MINAR1: variants seen among roughly 807,000 people sequenced by gnomAD.
MINAR1 encodes membrane integral NOTCH2 associated receptor 1.
Under a neutral mutation model 65.1 loss-of-function variants are expected in MINAR1, and 40 were observed. That is an observed-to-expected ratio of 0.61 (90% CI 0.48 to 0.80). The LOEUF (loss-of-function observed/expected upper bound fraction) is 0.80, where lower values mean the gene tolerates loss of function less well. MINAR1 is among the 30% of genes least tolerant of loss of function. MINAR1 has a pLI of 0.00. For synonymous variants in MINAR1, 482 were observed against 449.1 expected, an observed-to-expected ratio of 1.07 and a Z score of -0.93; for missense variants, 1,128 against 1,148.0, an observed-to-expected ratio of 0.98 and a Z score of 0.25.
rs769640975 is a variant in MINAR1 at position 79,456,878 on chromosome 15, A to G, written c.731A>G (p.Asn244Ser). The G allele has an allele frequency of 3.7e-6, 6 of 1,614,150 alleles. No individual in the cohort carries two copies. The highest frequency in any genetic ancestry group is 4.5e-5 in the East Asian group (2 of 44,874). ...NQSIKETFIS[N>S]EEPFVVQSCV... ...AGCATCAAGGAGACCTTCATTTCCA[A>G]TGAGGAGCCATTTGTGGTCCAGTCC... The change falls in exon 2 of 4, where the codon AAT becomes AGT. Residue 244 changes from asparagine to serine, a missense_variant. Transcript: ENST00000305428.
chr15:79,445,574 G>A (rs1379499849), intron 1 of MINAR1, among the ~76,000 whole-genome samples: 1 of 146,170 alleles, frequency 6.8e-6, no homozygotes, highest in Admixed American at 6.8e-5. Flanking sequence ...TTGAGACGGA[G>A]TTTTGCTCTT....
chr15:79,431,514 T>TG (rs950404711), upstream of MINAR1, among the ~76,000 whole-genome samples: 238 of 117,038 alleles, frequency 2.0e-3, 4 homozygotes, highest in East Asian at 0.014. Context: ...TGTGTGTGTG[T>TG]GGGGGGGGAG....
chr15:79,461,544 C>G (rs1302256373), intron 2 of MINAR1, among the ~76,000 whole-genome samples: 1 of 152,320 alleles, frequency 6.6e-6, no homozygotes, highest in Non-Finnish European at 1.5e-5. Flanking sequence ...CTGGTGAAGT[C>G]TCTTAGAAGA....
chr15:79,417,919 G>C, the MINAR1 span: 3 of 152,226 alleles, frequency 2.0e-5, no homozygotes, highest in Non-Finnish European at 4.4e-5. Flanking sequence ...GGGCTTGGCC[G>C]TGCTGTTGAC....
chr15:79,433,784 C>T (rs546983324), intron 1 of MINAR1, among the ~76,000 whole-genome samples: 2 of 152,274 alleles, frequency 1.3e-5, no homozygotes, highest in East Asian at 1.9e-4. Context: ...TTACTGGGCC[C>T]GCCCTGCAGG....
chr15:79,430,503 G>C (rs992036219), upstream of MINAR1, among the ~76,000 whole-genome samples: 4 of 152,066 alleles, frequency 2.6e-5, no homozygotes, highest in Non-Finnish European at 4.4e-5. Context: ...GGACAATGAG[G>C]CCCCCAAACA....
At chr15:79,415,896 T>C in the MINAR1 span, 1 of 152,230 alleles carries the variant, frequency 6.6e-6, no homozygotes, top group South Asian at 2.1e-4. Flanking sequence ...GGAAAACTTA[T>C]TTGTGTGTGT....
At chr15:79,443,038 A>T (rs892499778) in intron 1 of MINAR1, among the ~76,000 whole-genome samples, 2 of 152,124 alleles carry the variant, frequency 1.3e-5, no homozygotes, top group African/African-American at 4.8e-5. Context: ...TGAACACTTG[A>T]CACCAACACT....
chr15:79,417,102 A>C, the MINAR1 span: 1 of 152,214 alleles, frequency 6.6e-6, no homozygotes, highest in African/African-American at 2.4e-5. Context: ...AGCAGGCTCC[A>C]ACACAAGCAG....
the MINAR1 span, chr15:79,414,787 C>T: frequency 0.053 from 8,011 of 152,090 alleles, 261 homozygotes; most frequent in African/African-American, 0.085. Flanking sequence ...GAGTAAGACC[C>T]GATCAAATTG....
rs987767928 is a variant in MINAR1 at position 79,468,902 on chromosome 15, C to T, written c.*518C>T. The T allele has an allele frequency of 6.2e-6, 1 of 161,374 alleles. No individual in the cohort carries two copies. Among genetic ancestry groups the T allele is most frequent in the Non-Finnish European group, 1.4e-5 (1 of 72,728 alleles). 10.0% of individuals were successfully genotyped at this position (161,374 alleles called of 1,614,324 possible). A position where few individuals can be genotyped will look rare whatever the true frequency, so the allele number is the denominator to read the frequency against. Reference sequence around the variant, plus strand: ...GTATTACTTCTCTGTCGACTTTTATCAAGGGCTACTGACGTTTCATTCTTG... The same window carrying T: ...GTATTACTTCTCTGTCGACTTTTATTAAGGGCTACTGACGTTTCATTCTTG... On this transcript the variant is annotated 3_prime_UTR_variant, in exon 4 of 4. Coordinates refer to ENST00000305428, the MANE Select transcript of MINAR1 (RefSeq NM_015206.3).
intron 1 of MINAR1, among the ~76,000 whole-genome samples, chr15:79,440,076 GGT>G (rs1327302652): frequency 1.3e-5 from 2 of 152,066 alleles, no homozygotes; most frequent in Non-Finnish European, 1.5e-5. Flanking sequence ...TTAGCCCCAA[GGT>G]GTGTCTAGTC....
rs1895478827 is a variant in MINAR1 at position 79,457,576 on chromosome 15, C to T, written c.1429C>T (p.Gln477Ter). Residue 477 changes from glutamine (Q) to a stop codon, truncating the protein, a stop_gained, in exon 2 of 4, where the codon CAG (glutamine) becomes TAG (stop). Transcript: ENST00000305428. LOFTEE classifies it high-confidence loss of function. ...CTCAGACACCAGTAGCGTGGGCACCCAGACTGAGCACGTGCTGGAGCCCAA... is the reference window on the plus strand; with the variant it reads ...CTCAGACACCAGTAGCGTGGGCACCTAGACTGAGCACGTGCTGGAGCCCAA... ...LSSDTSSVGT[Q>*]TEHVLEPKKC... The T allele has an allele frequency of 3.7e-6, 6 of 1,614,026 alleles. No individual in the cohort carries two copies. The highest frequency in any genetic ancestry group is 2.5e-6 in the Non-Finnish European group (3 of 1,180,048).
At chr15:79,420,972 C>T in the MINAR1 span, 1 of 152,252 alleles carries the variant, frequency 6.6e-6, no homozygotes, top group African/African-American at 2.4e-5. Context: ...CTACATTGGA[C>T]TTCTGTTGTA....
intron 2 of MINAR1, among the ~76,000 whole-genome samples, chr15:79,460,597 C>G (rs1288447220): frequency 6.6e-6 from 1 of 152,154 alleles, no homozygotes; most frequent in Non-Finnish European, 1.5e-5. Flanking sequence ...TACCGGGGAT[C>G]CTTGGGCACA....
At chr15:79,460,193 TG>T (rs1895596570) in intron 2 of MINAR1, among the ~76,000 whole-genome samples, 1 of 152,200 alleles carries the variant, frequency 6.6e-6, no homozygotes, top group East Asian at 1.9e-4. Flanking sequence ...TTCTCCTTCC[TG>T]GCTTGTGACT....
chr15:79,430,198 G>C (rs1279150919), upstream of MINAR1, among the ~76,000 whole-genome samples: 1 of 152,064 alleles, frequency 6.6e-6, no homozygotes, highest in Non-Finnish European at 1.5e-5. Context: ...GGTTATTTCA[G>C]AAAGAAATTA....
intron 2 of MINAR1, 59 bp from the exon 3 acceptor site, chr15:79,463,008 A>C: frequency 6.4e-7 from 1 of 1,560,848 alleles, no homozygotes; most frequent in Admixed American, 1.8e-5. Flanking sequence ...GCTCAATTGC[A>C]CTGTGAAATC....
intron 2 of MINAR1, among the ~76,000 whole-genome samples, chr15:79,459,133 T>A (rs1298037746): frequency 1.3e-5 from 2 of 149,690 alleles, no homozygotes; most frequent in Non-Finnish European, 3.0e-5. Flanking sequence ...TGAGCTGAGA[T>A]CATGCACTGC....
Sources: allele counts gnomAD v4.1 joint callset (sites outside exome capture counted in the v4.1 genomes callset), GRCh38; gene constraint gnomAD v4.1.1; transcripts MANE v1.5; gene names NCBI Gene and HGNC (gene_info 2026-07-23, HGNC 2026-07-21).